ELP4: variants seen among roughly 807,000 people sequenced by gnomAD.
ELP4 encodes elongator complex protein 4.
In ELP4, 51 loss-of-function variants were observed where a neutral mutation model predicts 48.9. The ratio of observed to expected loss-of-function variants is 1.04; its 90% CI spans 0.83 to 1.32. The LOEUF is 1.32. Among genes scored for constraint, ELP4 ranks in the 40% most tolerant of loss-of-function variants. The probability of loss-of-function intolerance (pLI) is 0.00; values close to 1 mark genes in which losing one functional copy is unlikely to be tolerated. For synonymous variants in ELP4, 210 were observed against 189.2 expected (o/e 1.11, Z -0.90); for missense variants, 519 against 514.6 (o/e 1.01, Z -0.08).
At chr11:31,769,371 G>T (rs1463570253) in intron 9 of ELP4, among the ~76,000 whole-genome samples, 2 of 152,184 alleles carry the variant, frequency 1.3e-5, no homozygotes, top group Non-Finnish European at 2.9e-5. Flanking sequence ...GTATGTGTTA[G>T]ACACAAATAT....
chr11:31,707,541 T>G (rs1946659632), intron 9 of ELP4: 1 of 152,210 alleles, frequency 6.6e-6, no homozygotes, highest in African/African-American at 2.4e-5. Flanking sequence ...TCAATTCTAC[T>G]TGAATGGTTG....
Position 31,647,770 on chromosome 11 carries a change from CTT to C in ELP4, c.958_959del (p.Leu320ValfsTer14). ...NKAIIARVTT[L>X]SDVVVGLESF... ...AAGCCATTATTGCCCGTGTCACAAC[CTT>C]GTCAGATGTAGTAGTTGGTCTGGAA... On this transcript the variant is annotated frameshift_variant, in exon 8 of 10. Transcript: ENST00000640961. LOFTEE classifies it high-confidence loss of function. 1 of 1,609,292 alleles carries C rather than the reference CTT, an allele frequency of 6.2e-7. No homozygotes were observed. The highest frequency in any genetic ancestry group is 8.5e-7 in the Non-Finnish European group (1 of 1,176,596).
chr11:31,684,526 C>T (rs921901964), intron 9 of ELP4, among the ~76,000 whole-genome samples: 1 of 152,084 alleles, frequency 6.6e-6, no homozygotes, highest in African/African-American at 2.4e-5. Context: ...AATATTTATA[C>T]ATAGCAATGT....
intron 9 of ELP4, among the ~76,000 whole-genome samples, chr11:31,772,203 T>C (rs565973287): frequency 6.3e-5 from 9 of 143,024 alleles, no homozygotes; most frequent in African/African-American, 2.3e-4. Flanking sequence ...CACTGCAACC[T>C]CCACATCCCG....
chr11:31,668,491 T>TC (rs1292867250), intron 9 of ELP4, among the ~76,000 whole-genome samples: 1 of 151,102 alleles, frequency 6.6e-6, no homozygotes, highest in African/African-American at 2.4e-5. Context: ...TGTAATTCTT[T>TC]TTTTTTTTTT....
chr11:31,546,726 T>C (rs1230161775), intron 3 of ELP4, among the ~76,000 whole-genome samples: 4 of 151,806 alleles, frequency 2.6e-5, no homozygotes, highest in Admixed American at 6.6e-5. Context: ...ATTGACCACA[T>C]AGTTGGAAGT....
At chr11:31,622,816 TTAG>T (rs1305176904) in intron 5 of ELP4, among the ~76,000 whole-genome samples, 1 of 151,640 alleles carries the variant, frequency 6.6e-6, no homozygotes, top group Non-Finnish European at 1.5e-5. Context: ...TGTTTATATA[TTAG>T]TATAAAGAAA....
At chr11:31,633,043 T>G (rs1169542170) in intron 7 of ELP4, 1 of 152,088 alleles carries the variant, frequency 6.6e-6, no homozygotes, top group Non-Finnish European at 1.5e-5. Context: ...TATACTTTTC[T>G]TTATAGGCTT....
chr11:31,526,106 C>T (rs1206770836), intron 2 of ELP4, among the ~76,000 whole-genome samples: 1 of 152,074 alleles, frequency 6.6e-6, no homozygotes, highest in Non-Finnish European at 1.5e-5. Flanking sequence ...AAGCCATTGA[C>T]ATGTATTGTA....
intron 9 of ELP4, chr11:31,652,247 T>A (rs2134076804): frequency 6.6e-6 from 1 of 151,802 alleles, no homozygotes; most frequent in East Asian, 1.9e-4. Context: ...AATATAAATA[T>A]ACACATTCTA....
intron 5 of ELP4, among the ~76,000 whole-genome samples, chr11:31,624,382 T>C (rs968149931): frequency 1.3e-5 from 2 of 151,758 alleles, no homozygotes; most frequent in Admixed American, 6.6e-5. Flanking sequence ...TAGGCAATTG[T>C]AATACAAGTA....
chr11:31,537,690 T>C (rs1312157398), intron 2 of ELP4, among the ~76,000 whole-genome samples: 1 of 152,000 alleles, frequency 6.6e-6, no homozygotes, highest in Non-Finnish European at 1.5e-5. Flanking sequence ...TACACACTTT[T>C]AAACAACCAG....
At chr11:31,669,350 G>A (rs997255010) in intron 9 of ELP4, among the ~76,000 whole-genome samples, 2 of 151,978 alleles carry the variant, frequency 1.3e-5, no homozygotes, top group Non-Finnish European at 2.9e-5. Flanking sequence ...CAAACTGCTG[G>A]GATTACAGGC....
chr11:31,778,960 T>G (rs1026897845), intron 9 of ELP4, among the ~76,000 whole-genome samples: 4 of 152,134 alleles, frequency 2.6e-5, no homozygotes, highest in Admixed American at 2.6e-4. Context: ...AGGCTCCCAC[T>G]TCGGCCTCCC....
intron 3 of ELP4, among the ~76,000 whole-genome samples, chr11:31,580,991 A>T (rs754408944): frequency 2.0e-5 from 3 of 152,174 alleles, no homozygotes; most frequent in Non-Finnish European, 2.9e-5. Flanking sequence ...ATATTATACT[A>T]TTTGACAGTC....
At chr11:31,564,526 C>G (rs955057688) in intron 3 of ELP4, among the ~76,000 whole-genome samples, 1 of 152,006 alleles carries the variant, frequency 6.6e-6, no homozygotes, top group Non-Finnish European at 1.5e-5. Flanking sequence ...CTATCCCTTC[C>G]CCTCCTGCTA....
intron 3 of ELP4, among the ~76,000 whole-genome samples, chr11:31,544,259 TGACAGAC>T (rs1294682319): frequency 2.0e-5 from 3 of 152,094 alleles, no homozygotes; most frequent in Non-Finnish European, 4.4e-5. Context: ...AAGAAAGGGG[TGACAGAC>T]GGCACCTGGA....
At chr11:31,514,232 G>C (rs147903039) in intron 1 of ELP4, among the ~76,000 whole-genome samples, 2 of 152,304 alleles carry the variant, frequency 1.3e-5, no homozygotes, top group Non-Finnish European at 2.9e-5. Context: ...GCCAAGATGG[G>C]TGGATTGCTT....
At chr11:31,672,295 C>A (rs1300062393) in intron 9 of ELP4, among the ~76,000 whole-genome samples, 1 of 152,092 alleles carries the variant, frequency 6.6e-6, no homozygotes, top group Non-Finnish European at 1.5e-5. Context: ...TTTGTAAGAA[C>A]TGTTCAAATT....
Sources: gnomAD v4.1 joint callset for allele counts (sites outside exome capture counted in the v4.1 genomes callset) on GRCh38, gnomAD v4.1.1 for gene constraint, MANE v1.5 for transcripts, NCBI Gene and HGNC (gene_info 2026-07-23, HGNC 2026-07-21) for gene names.